The following TMEM132B variants were observed in gnomAD, a reference collection of about 807,000 sequenced individuals.
The protein encoded by TMEM132B is transmembrane protein 132B.
In TMEM132B, 18 loss-of-function variants were observed where a neutral mutation model predicts 90.8. The observed-to-expected ratio is 0.20, with a 90% confidence interval of 0.14 to 0.29. The LOEUF (loss-of-function observed/expected upper bound fraction) is 0.29, where lower values mean the gene tolerates loss of function less well. Among genes scored for constraint, TMEM132B ranks in the 10% least tolerant of loss-of-function variants. The pLI is 1.00. For synonymous variants in TMEM132B, 504 were observed against 523.3 expected, an observed-to-expected ratio of 0.96 and a Z score of 0.50; for missense variants, 1,096 against 1,326.8, an observed-to-expected ratio of 0.83 and a Z score of 2.70.
At chr12:125,352,478 G>A (rs755991993) in intron 2 of TMEM132B, among the ~76,000 whole-genome samples, 1 of 152,240 alleles carries the variant, frequency 6.6e-6, no homozygotes, top group Non-Finnish European at 1.5e-5. Context: ...TATACCAGCT[G>A]TGTGCCCTTC....
intron 5 of TMEM132B, among the ~76,000 whole-genome samples, chr12:125,637,134 T>C (rs1037770026): frequency 1.3e-5 from 2 of 152,202 alleles, no homozygotes; most frequent in South Asian, 4.1e-4. Context: ...ATTTGTAGTT[T>C]GATAAGGGTG....
At chr12:125,446,790 A>G (rs1881017465) in intron 3 of TMEM132B, among the ~76,000 whole-genome samples, 1 of 152,192 alleles carries the variant, frequency 6.6e-6, no homozygotes, top group Admixed American at 6.5e-5. Context: ...CTGGTATTGC[A>G]GCCGAATAAA....
At chr12:125,536,994 T>A (rs535060796) in intron 4 of TMEM132B, among the ~76,000 whole-genome samples, 58 of 152,250 alleles carry the variant, frequency 3.8e-4, no homozygotes, top group Middle Eastern at 3.4e-3. Flanking sequence ...TGGGATTTTT[T>A]AAAAAAAATC....
rs161715 is a variant in TMEM132B, at chr12:125,406,350, T to C, written c.960-9181T>C. 0.096 allele frequency among the ~76,000 whole-genome samples: 14,563 copies of C among 152,268 alleles called. 1,789 individuals carry two copies. Among genetic ancestry groups the C allele is most frequent in the African/African-American group, 0.29 (11,887 of 41,512 alleles). On this transcript the variant is annotated intron_variant, in intron 2 of 8. Transcript: ENST00000682704. The surrounding 1 kb of genome is among the most constrained non-coding windows in gnomAD (Gnocchi z 8.3). ...GGGGTTGCACGAGGCATCTGTGTAT[T>C]AGCAGTGCAAGGCGGAGGACAGTGC...
At chr12:125,286,436 C>G (rs912417145) in intron 1 of TMEM132B, among the ~76,000 whole-genome samples, 5 of 152,200 alleles carry the variant, frequency 3.3e-5, no homozygotes, top group Admixed American at 3.3e-4. Context: ...CAGCCTGACT[C>G]TGGGTTCTTC....
At chr12:125,387,299 A>G (rs540662293) in intron 2 of TMEM132B, among the ~76,000 whole-genome samples, 1 of 152,330 alleles carries the variant, frequency 6.6e-6, no homozygotes, top group South Asian at 2.1e-4. Flanking sequence ...GCACAGCTAG[A>G]AATACTGGAC....
At position 125,300,381 on chromosome 12, in the gene TMEM132B, C is replaced by T. The variant is rs180680531; in HGVS notation, c.68-49071C>T. Among the ~76,000 whole-genome samples, 53 of 152,246 alleles carry T rather than the reference C, an allele frequency of 3.5e-4. 1 individual carries two copies. In the East Asian group the frequency reaches 0.01, roughly 29 times the overall value. On this transcript the variant is annotated intron_variant, in intron 1 of 8. Coordinates refer to ENST00000682704, the MANE Select transcript of TMEM132B (RefSeq NM_001366854.1). ...TTGTTACAGCCCGACCACCTGACACCCTGACAGAGCCAGAGGCTGTAGGGA... is the reference window on the plus strand; with the variant it reads ...TTGTTACAGCCCGACCACCTGACACTCTGACAGAGCCAGAGGCTGTAGGGA...
At chr12:125,413,272 G>A (rs1203708723) in intron 2 of TMEM132B, among the ~76,000 whole-genome samples, 1 of 152,014 alleles carries the variant, frequency 6.6e-6, no homozygotes, top group African/African-American at 2.4e-5. Flanking sequence ...TTTTTTTAAA[G>A]TTTCAGTCAC....
In TMEM132B at chr12:125,579,426, A is replaced by G. The variant is rs7133856; in HGVS notation, c.1294-4425A>G. Among the ~76,000 whole-genome samples the G allele has an allele frequency of 9.7e-3, 1,467 of 150,844 alleles. 21 individuals are homozygous for G. The highest frequency in any genetic ancestry group is 0.034 in the African/African-American group (1,385 of 40,992). On this transcript the variant is annotated intron_variant, in intron 4 of 8. Transcript: ENST00000682704. ...GCCCAGGCTGGAGTGCAATAGCATGATCTCGGCTCACTGCAATCTCTGCCT... is the reference window on the plus strand; with the variant it reads ...GCCCAGGCTGGAGTGCAATAGCATGGTCTCGGCTCACTGCAATCTCTGCCT...
chr12:125,287,383 C>A (rs1875391835), intron 1 of TMEM132B, among the ~76,000 whole-genome samples: 1 of 152,176 alleles, frequency 6.6e-6, no homozygotes, highest in African/African-American at 2.4e-5. Context: ...ACGTGGGCAT[C>A]TTTTGGGGGA....
In TMEM132B at chr12:125,339,752, AAGAC is replaced by A. The variant is rs145550188; in HGVS notation, c.68-9696_68-9693del. Among the ~76,000 whole-genome samples the A allele has an allele frequency of 5.2e-3, 792 of 152,306 alleles. 7 individuals are homozygous for A. The highest frequency in any genetic ancestry group is 0.018 in the African/African-American group (750 of 41,562). The stretch of plus-strand genomic sequence containing the variant: ...TTACACGCTGAGAACGCAGTGCAAG[AAGAC>A]AGAGGAGCTAGCTACAGCGTGGGAT... On this transcript the variant is annotated intron_variant, in intron 1 of 8. Transcript: ENST00000682704.
intron 4 of TMEM132B, among the ~76,000 whole-genome samples, chr12:125,535,305 T>G (rs1258431577): frequency 6.6e-6 from 1 of 152,206 alleles, no homozygotes; most frequent in East Asian, 1.9e-4. Context: ...AGTCTCACTT[T>G]AATGAGATCC....
At chr12:125,567,973 A>G (rs1884699332) in intron 4 of TMEM132B, among the ~76,000 whole-genome samples, 1 of 152,112 alleles carries the variant, frequency 6.6e-6, no homozygotes. Flanking sequence ...GAGGAAGGAC[A>G]CCTCGGAGCC....
chr12:125,552,332 A>G (rs988794435), intron 4 of TMEM132B, among the ~76,000 whole-genome samples: 2 of 152,188 alleles, frequency 1.3e-5, no homozygotes, highest in Non-Finnish European at 2.9e-5. Flanking sequence ...CTCAAGGTGT[A>G]CTGGTCTCCA....
chr12:125,409,800 A>G (rs1183510922), intron 2 of TMEM132B, among the ~76,000 whole-genome samples: 1 of 11,070 alleles, frequency 9.0e-5, no homozygotes, highest in African/African-American at 5.5e-4. Flanking sequence ...GGAGTGGAGG[A>G]GTGGAGTGGA....
intron 5 of TMEM132B, among the ~76,000 whole-genome samples, chr12:125,638,713 G>A (rs1339796529): frequency 6.6e-6 from 1 of 152,146 alleles, no homozygotes; most frequent in African/African-American, 2.4e-5. Context: ...TGGGTCAACA[G>A]TGTGGCAAAC....
chr12:125,532,300 A>G (rs1883666512), intron 4 of TMEM132B, among the ~76,000 whole-genome samples: 1 of 152,172 alleles, frequency 6.6e-6, no homozygotes, highest in African/African-American at 2.4e-5. Flanking sequence ...CAGGGATGAG[A>G]CATGACAAAT....
intron 4 of TMEM132B, among the ~76,000 whole-genome samples, chr12:125,534,010 A>AT (rs1883724330): frequency 1.3e-5 from 2 of 152,346 alleles, no homozygotes; most frequent in South Asian, 4.1e-4. Context: ...AAGTCCACGT[A>AT]TGGGCAGAGA....
chr12:125,188,280 GTTTTGCTTTCGGCA>G (rs946741809), intron 1 of TMEM132B, among the ~76,000 whole-genome samples: 17 of 152,284 alleles, frequency 1.1e-4, no homozygotes, highest in Non-Finnish European at 2.5e-4. Flanking sequence ...TATGATAGCT[GTTTTGCTTTCGGCA>G]TTCCTCTGCG....
Sources: allele counts gnomAD v4.1 joint callset (sites outside exome capture counted in the v4.1 genomes callset), GRCh38; gene constraint gnomAD v4.1.1; non-coding constraint Gnocchi (gnomAD v3.1); transcripts MANE v1.5; gene names NCBI Gene and HGNC (gene_info 2026-07-23, HGNC 2026-07-21).